The following PPP1CB variants were observed in gnomAD, a reference collection of about 807,000 sequenced individuals.
The protein encoded by PPP1CB is protein phosphatase 1 catalytic subunit beta, also known as serine/threonine-protein phosphatase PP1-beta catalytic subunit.
PPP1CB carries 2 observed loss-of-function variants against 43.7 expected under a neutral mutation model. The ratio of observed to expected loss-of-function variants is 0.05; its 90% CI spans 0.02 to 0.14. The LOEUF is 0.14. Among genes scored for constraint, PPP1CB ranks in the 10% least tolerant of loss-of-function variants. PPP1CB has a pLI of 1.00. For synonymous variants in PPP1CB, 136 were observed against 135.6 expected, an observed-to-expected ratio of 1.00 and a Z score of -0.02; for missense variants, 84 against 398.0, an observed-to-expected ratio of 0.21 and a Z score of 6.71.
intron 1 of PPP1CB, among the ~76,000 whole-genome samples, chr2:28,775,213 T>C (rs1667009599): frequency 6.6e-6 from 1 of 152,094 alleles, no homozygotes; most frequent in Admixed American, 6.5e-5. Context: ...AAGTGAACGT[T>C]CCACCTCAAC....
At chr2:28,782,545 A>T (rs1667176944) in intron 4 of PPP1CB, 1 of 152,492 alleles carries the variant, frequency 6.6e-6, no homozygotes, top group Non-Finnish European at 1.5e-5. Flanking sequence ...GTGTGTATGG[A>T]GGCATGGGTT....
chr2:28,764,527 G>A (rs1666738264), intron 1 of PPP1CB, among the ~76,000 whole-genome samples: 1 of 150,926 alleles, frequency 6.6e-6, no homozygotes, highest in Admixed American at 6.6e-5. Context: ...CTGCCTTTTT[G>A]TTGCTTAAAA....
intron 7 of PPP1CB, among the ~76,000 whole-genome samples, chr2:28,797,640 T>TA (rs1273103595): frequency 1.3e-5 from 2 of 152,192 alleles, no homozygotes; most frequent in African/African-American, 4.8e-5. Flanking sequence ...CAGGTGTTTA[T>TA]AATCTCTAGG....
At chr2:28,760,840 T>C (rs1666626459) in intron 1 of PPP1CB, among the ~76,000 whole-genome samples, 1 of 152,214 alleles carries the variant, frequency 6.6e-6, no homozygotes, top group Admixed American at 6.5e-5. Context: ...GTGGTTTGAA[T>C]TGAGCGTTTT....
intron 1 of PPP1CB, among the ~76,000 whole-genome samples, chr2:28,775,090 T>A (rs1028766981): frequency 4.6e-5 from 7 of 152,124 alleles, no homozygotes; most frequent in Admixed American, 4.6e-4. Flanking sequence ...CAGCAATTTT[T>A]AGCAAGAAAT....
At chr2:28,752,504 G>T (rs944792751) in intron 1 of PPP1CB, among the ~76,000 whole-genome samples, 3 of 152,214 alleles carry the variant, frequency 2.0e-5, no homozygotes. Context: ...GCGCCGTGGT[G>T]CTCGCCTCCG....
intron 5 of PPP1CB, 104 bp from the exon 6 acceptor site, chr2:28,788,554 A>G (rs1320338772): frequency 7.9e-7 from 1 of 1,262,678 alleles, no homozygotes; most frequent in Non-Finnish European, 1.1e-6. Context: ...ATTGTTTAGT[A>G]AAAGGTAAGA....
At position 28,783,158 on chromosome 2, in the gene PPP1CB, A is replaced by T. The variant is rs563251245; in HGVS notation, c.521-749A>T. On this transcript the variant is annotated intron_variant, in intron 4 of 7. Coordinates refer to ENST00000395366, the MANE Select transcript of PPP1CB (RefSeq NM_002709.3). ...GTTTATGACTTCATGAAGATAATGA[A>T]CATGTTGGAGTGGGATGTGAAAAGA... 2.6e-5 allele frequency among the ~76,000 whole-genome samples: 4 copies of T among 152,306 alleles called. No homozygotes were observed. The East Asian group carries it at 7.7e-4, about 29-fold the overall frequency.
chr2:28,752,063 C>T lies in PPP1CB; in HGVS notation c.-62C>T, dbSNP rs1666304295. On this transcript the variant is annotated 5_prime_UTR_variant, in exon 1 of 8. Coordinates refer to ENST00000395366, the MANE Select transcript of PPP1CB (RefSeq NM_002709.3). ...GTGAGAGAACGCCGAGCCGTCGCCGCAGCCTCCGCCGCCGAGAAGCCCTTG... is the reference window on the plus strand; with the variant it reads ...GTGAGAGAACGCCGAGCCGTCGCCGTAGCCTCCGCCGCCGAGAAGCCCTTG... 2.7e-6 allele frequency: 4 copies of T among 1,500,768 alleles called. No homozygotes were observed. The highest frequency in any genetic ancestry group is 3.6e-6 in the Non-Finnish European group (4 of 1,101,684). 93.0% of individuals were successfully genotyped at this position (1,500,768 alleles called of 1,614,324 possible).
intron 1 of PPP1CB, among the ~76,000 whole-genome samples, chr2:28,775,614 C>T (rs1667021371): frequency 6.6e-6 from 1 of 152,124 alleles, no homozygotes; most frequent in African/African-American, 2.4e-5. Context: ...TGGCTTCAAG[C>T]AGTCCTCCCG....
At chr2:28,782,546 G>C (rs1667176988) in intron 4 of PPP1CB, 1 of 152,462 alleles carries the variant, frequency 6.6e-6, no homozygotes, top group East Asian at 1.9e-4. Flanking sequence ...TGTGTATGGA[G>C]GCATGGGTTT....
chr2:28,785,906 A>G (rs1667257429), intron 5 of PPP1CB, among the ~76,000 whole-genome samples: 1 of 151,692 alleles, frequency 6.6e-6, no homozygotes, highest in Admixed American at 6.6e-5. Flanking sequence ...TCAGATGTAA[A>G]CTGATCTAGT....
In PPP1CB at chr2:28,781,820, G is replaced by A. The variant is rs1667162230; in HGVS notation, c.498G>A (p.Glu166=). The A allele has an allele frequency of 1.9e-6, 3 of 1,612,184 alleles. No homozygotes were observed. The South Asian group carries it at 3.3e-5, about 18-fold the overall frequency. Residue 166 remains glutamate (E), a synonymous_variant, in exon 4 of 8, where the codon GAG becomes GAA. Coordinates refer to ENST00000395366, the MANE Select transcript of PPP1CB (RefSeq NM_002709.3). ...TGCCTATAGCAGCCATTGTGGATGA[G>A]AAGATCTTCTGTTGTCATGGAGGTA... ...NCLPIAAIVD[E]KIFCCHGGLS... is the part of the protein sequence containing the mutation.
At chr2:28,765,779 T>G (rs1364025015) in intron 1 of PPP1CB, among the ~76,000 whole-genome samples, 1 of 152,128 alleles carries the variant, frequency 6.6e-6, no homozygotes, top group African/African-American at 2.4e-5. Context: ...CCAGGTGTGG[T>G]GGCATGTGCC....
At chr2:28,769,580 A>C (rs536814695) in intron 1 of PPP1CB, among the ~76,000 whole-genome samples, 1 of 152,362 alleles carries the variant, frequency 6.6e-6, no homozygotes, top group Non-Finnish European at 1.5e-5. Context: ...GTTGCAAGAA[A>C]ATAACAGATA....
intron 1 of PPP1CB, among the ~76,000 whole-genome samples, chr2:28,766,639 A>G (rs1008838474): frequency 8.5e-5 from 13 of 152,202 alleles, no homozygotes; most frequent in Admixed American, 7.9e-4. Flanking sequence ...TGGCTCCCCA[A>G]ATAACAAGTA....
In PPP1CB at chr2:28,802,737, T is replaced by C. The variant is rs1163204608; in HGVS notation, c.*3434T>C. On this transcript the variant is annotated 3_prime_UTR_variant, in exon 8 of 8. Coordinates refer to ENST00000395366, the MANE Select transcript of PPP1CB (RefSeq NM_002709.3). The stretch of plus-strand genomic sequence containing the variant: ...AGTGTAACAATTTTGATCTGTTAAA[T>C]TGGATTTTACATGTACATTTGAATG... 1 of 152,244 alleles carries C rather than the reference T, an allele frequency of 6.6e-6. No individual in the cohort carries two copies. Among genetic ancestry groups the C allele is most frequent in the African/African-American group, 2.4e-5 (1 of 41,464 alleles). The allele number at this position is 152,244 out of a possible 1,614,324, so 9.4% of individuals were successfully genotyped here. A position where few individuals can be genotyped will look rare whatever the true frequency, so the allele number is the denominator to read the frequency against.
At chr2:28,798,437 A>G (rs972804621) in intron 7 of PPP1CB, among the ~76,000 whole-genome samples, 1 of 152,122 alleles carries the variant, frequency 6.6e-6, no homozygotes, top group Admixed American at 6.5e-5. Context: ...AAGTCACACA[A>G]TTCAGATGTC....
intron 6 of PPP1CB, among the ~76,000 whole-genome samples, chr2:28,791,065 A>G (rs1351307335): frequency 6.6e-6 from 1 of 152,190 alleles, no homozygotes; most frequent in African/African-American, 2.4e-5. Flanking sequence ...ATGCACATAC[A>G]GTGTTGAATA....
Sources: allele counts gnomAD v4.1 joint callset (sites outside exome capture counted in the v4.1 genomes callset), GRCh38; gene constraint gnomAD v4.1.1; transcripts MANE v1.5; gene names NCBI Gene and HGNC (gene_info 2026-07-23, HGNC 2026-07-21).